PKD1L1: variants seen among roughly 807,000 people sequenced by gnomAD.
PKD1L1 encodes polycystin 1 like 1, transient receptor potential channel interacting.
PKD1L1 carries 236 observed loss-of-function variants against 323.4 expected under a neutral mutation model. The observed-to-expected ratio is 0.73, with a 90% CI of 0.66 to 0.81. The LOEUF (loss-of-function observed/expected upper bound fraction) is 0.81. Ranked by LOEUF, PKD1L1 falls within the 40% of genes least tolerant of loss-of-function variation. The pLI is 0.00. For missense variants in PKD1L1, 3,320 were observed against 3,508.0 expected, an observed-to-expected ratio of 0.95 and a Z score of 1.35; for synonymous variants, 1,344 against 1,335.0, an observed-to-expected ratio of 1.01 and a Z score of -0.15.
At chr7:47,828,625 G>C (rs561094385) in intron 44 of PKD1L1, among the ~76,000 whole-genome samples, 8 of 152,302 alleles carry the variant, frequency 5.3e-5, no homozygotes, top group Admixed American at 5.2e-4. Context: ...CAAATGATCC[G>C]ATAAATGTAA....
intron 13 of PKD1L1, among the ~76,000 whole-genome samples, chr7:47,899,881 G>T (rs1159161441): frequency 2.1e-5 from 3 of 145,624 alleles, no homozygotes; most frequent in Non-Finnish European, 4.5e-5. Context: ...GTGTGAACCC[G>T]GGAGGCGGAG....
In PKD1L1 at chr7:47,866,426, A is replaced by G. The variant is rs1211933833; in HGVS notation, c.4085T>C (p.Val1362Ala). ...LISSVCRLAF[V>A]DQEEMIGSVL... ...CCCTCCTCTGAGCCATACCTGATCT[A>G]CAAAAGCCAATCTGCATACTGAAGA... The change falls in exon 25 of 57, where the codon GTA becomes GCA. Residue 1362 changes from valine to alanine, a missense_variant. Transcript: ENST00000289672. 1.9e-6 allele frequency: 3 copies of G among 1,613,306 alleles called. No individual in the cohort carries two copies. In the South Asian group the frequency reaches 3.3e-5, roughly 18 times the overall value.
rs571203448 is a variant in PKD1L1 at position 47,796,616 on chromosome 7, A to G, written c.8194-466T>C. ...AAGCCTCCAGGTGGTTTATTTCTTCACTGCAGGCTGTAAGCTGTTAGCTCA... is the reference window on the plus strand; with the variant it reads ...AAGCCTCCAGGTGGTTTATTTCTTCGCTGCAGGCTGTAAGCTGTTAGCTCA... On this transcript the variant is annotated intron_variant, in intron 54 of 56. Transcript: ENST00000289672. 5.9e-4 allele frequency among the ~76,000 whole-genome samples: 90 copies of G among 152,216 alleles called. 1 individual carries two copies. The highest frequency in any genetic ancestry group is 1.2e-3 in the Admixed American group (18 of 15,278).
In PKD1L1 at chr7:47,931,301, T is replaced by G; in HGVS notation, c.540A>C (p.Ala180=). 3 of 1,614,236 alleles carry G rather than the reference T, an allele frequency of 1.9e-6. No homozygotes were observed. The highest frequency in any genetic ancestry group is 2.5e-6 in the Non-Finnish European group (3 of 1,180,034). Residue 180 remains alanine (A), a synonymous_variant, in exon 6 of 57, where the codon GCA becomes GCC. Coordinates refer to ENST00000289672, the MANE Select transcript of PKD1L1 (RefSeq NM_138295.5). ...ALLQLQGTTS[A]AAPCSLKMEA... is the part of the protein sequence containing the mutation. The stretch of plus-strand genomic sequence containing the variant: ...CCATCTTCAGGCTGCAGGGAGCTGC[T>G]GCAGAAGTGGTGCCCTGGAGCTTAA...
At chr7:47,949,368 CAAAAAA>C (rs58131581), upstream of PKD1L1, among the ~76,000 whole-genome samples, 12,955 of 57,172 alleles carry the variant, frequency 0.23, 1,265 homozygotes, top group South Asian at 0.42. Context: ...GGCTCTGTCT[CAAAAAA>C]AAAAAAAAAA....
At chr7:47,914,266 G>A (rs1014700805) in intron 8 of PKD1L1, among the ~76,000 whole-genome samples, 2 of 152,144 alleles carry the variant, frequency 1.3e-5, no homozygotes, top group African/African-American at 4.8e-5. Context: ...TGCACACAGA[G>A]CCCATAATGT....
At position 47,877,571 on chromosome 7, in the gene PKD1L1, C is replaced by G. The variant is rs531100971; in HGVS notation, c.3581G>C (p.Arg1194Pro). Residue 1194 changes from arginine (R) to proline (P), a missense_variant, in exon 22 of 57, where the codon CGG becomes CCG. By Grantham distance (103) the Arg-to-Pro change is moderately radical (BLOSUM62 -2). Coordinates refer to ENST00000289672, the MANE Select transcript of PKD1L1 (RefSeq NM_138295.5). The part of the protein sequence containing the change: ...QLYLTVNPAP[R>P]DMACQVQPHH... ...GGGCTGCACCTGACAGGCCATGTCC[C>G]GAGGAGCCGGGTTGACTGTCAAGTA... 5.7e-5 allele frequency: 92 copies of G among 1,614,054 alleles called. No homozygotes were observed. In the Middle Eastern group the frequency reaches 8.3e-4, roughly 14 times the overall value.
At chr7:47,805,151 GTA>G (rs756654467) in intron 52 of PKD1L1, among the ~76,000 whole-genome samples, 79 of 151,936 alleles carry the variant, frequency 5.2e-4, no homozygotes, top group Non-Finnish European at 1.1e-3. Flanking sequence ...CCCAAGGTAT[GTA>G]TCATAGTTCT....
At chr7:47,836,409 T>A (rs1785458884) in intron 37 of PKD1L1, among the ~76,000 whole-genome samples, 1 of 152,276 alleles carries the variant, frequency 6.6e-6, no homozygotes, top group South Asian at 2.1e-4. Context: ...CTGTGTTGTT[T>A]TTTCCTCAGG....
At chr7:47,819,848 T>C (rs890015532) in intron 46 of PKD1L1, 8 of 228,204 alleles carry the variant, frequency 3.5e-5, no homozygotes, top group Non-Finnish European at 6.9e-5. Context: ...TAAGATTAAA[T>C]TGACTTTCCA....
chr7:47,871,747 A>G (rs537906300), intron 24 of PKD1L1, among the ~76,000 whole-genome samples: 2 of 152,338 alleles, frequency 1.3e-5, no homozygotes, highest in Non-Finnish European at 2.9e-5. Flanking sequence ...TACACACACA[A>G]CAAACTAGGA....
chr7:47,845,586 A>C (rs959983628), intron 32 of PKD1L1, among the ~76,000 whole-genome samples: 2 of 152,110 alleles, frequency 1.3e-5, no homozygotes, highest in Admixed American at 6.5e-5. Context: ...ATTTATTTTA[A>C]ATTTTTTGTT....
At chr7:47,921,759 GATT>G (rs1338133043) in intron 7 of PKD1L1, among the ~76,000 whole-genome samples, 2 of 152,138 alleles carry the variant, frequency 1.3e-5, no homozygotes, top group Non-Finnish European at 2.9e-5. Context: ...TGAGATTGGA[GATT>G]ATTATTCAAA....
At chr7:47,833,990 T>C (rs1409701706) in intron 40 of PKD1L1, among the ~76,000 whole-genome samples, 4 of 152,198 alleles carry the variant, frequency 2.6e-5, no homozygotes, top group African/African-American at 7.2e-5. Flanking sequence ...TGCTCCACAG[T>C]GTCTCTCCCA....
Position 47,855,262 on chromosome 7 carries a change from C to A in PKD1L1, c.4594G>T (p.Gly1532Cys), listed in dbSNP as rs1394778173. Reference sequence around the variant, plus strand: ...TAGAGGTTGAGGCCCACAACTCCACCAATCTTGGGGAACAAAGACCATCTC... The same window carrying A: ...TAGAGGTTGAGGCCCACAACTCCACAAATCTTGGGGAACAAAGACCATCTC... ...YPGSQAPGQIGGVVGLNLYTC... is the reference protein window; with the variant it reads ...YPGSQAPGQICGVVGLNLYTC... Residue 1532 changes from glycine to cysteine, a missense_variant, in exon 29 of 57, where the codon GGT (glycine) becomes TGT (cysteine). Physicochemically the swap from Gly to Cys is radical, Grantham distance 159. Transcript: ENST00000289672. 2 of 1,611,028 alleles carry A rather than the reference C, an allele frequency of 1.2e-6. No individual in the cohort carries two copies. The highest frequency in any genetic ancestry group is 1.7e-6 in the Non-Finnish European group (2 of 1,177,908).
intron 14 of PKD1L1, among the ~76,000 whole-genome samples, chr7:47,896,162 C>G (rs1022422013): frequency 4.0e-5 from 6 of 151,886 alleles, no homozygotes; most frequent in Non-Finnish European, 5.9e-5. Flanking sequence ...CAGGGTGAAA[C>G]CCTGTCTCTA....
Position 47,813,132 on chromosome 7 carries a change from C to A in PKD1L1, c.7335G>T (p.Leu2445=). ...CGAATCTCACTGACCTTGTTCTGCC[C>A]AGGCTGAGCACACAGTCCTCCCTTG... ...CGTREDCVLS[L]GRTRTEAHTA... Residue 2445 remains leucine, a synonymous_variant, in exon 49 of 57, where the codon CTG becomes CTT. Coordinates refer to ENST00000289672, the MANE Select transcript of PKD1L1 (RefSeq NM_138295.5). 6.2e-7 allele frequency: 1 copy of A among 1,613,374 alleles called. No homozygotes were observed. Among genetic ancestry groups the A allele is most frequent in the South Asian group, 1.1e-5 (1 of 91,030 alleles).
At chr7:47,911,671 TAGCTAGC>T (rs1787324197) in intron 8 of PKD1L1, among the ~76,000 whole-genome samples, 1 of 151,604 alleles carries the variant, frequency 6.6e-6, no homozygotes, top group African/African-American at 2.4e-5. Flanking sequence ...AACTAGGAGG[TAGCTAGC>T]ATGTTCAGAA....
Position 47,831,306 on chromosome 7 carries a change from G to T in PKD1L1, c.6384C>A (p.Ala2128=). 6.2e-7 allele frequency: 1 copy of T among 1,614,120 alleles called. No individual in the cohort carries two copies. Among genetic ancestry groups the T allele is most frequent in the Non-Finnish European group, 8.5e-7 (1 of 1,180,004 alleles). ...LEGLMPQWSR[A]LQPWWSSAVW... ...CTGCAGAGCTCCACCAAGGCTGAAG[G>T]GCCCTTGACCACTGGGGCATTAGTC... The change falls in exon 42 of 57, where the codon GCC becomes GCA. Residue 2128 remains alanine, a synonymous_variant. Coordinates refer to ENST00000289672, the MANE Select transcript of PKD1L1 (RefSeq NM_138295.5).
Sources: allele counts gnomAD v4.1 joint callset (sites outside exome capture counted in the v4.1 genomes callset), GRCh38; gene constraint gnomAD v4.1.1; transcripts MANE v1.5; gene names NCBI Gene and HGNC (gene_info 2026-07-23, HGNC 2026-07-21).